Variants in COL8A1 observed in about 807,000 individuals in gnomAD.
COL8A1 encodes the protein collagen type VIII alpha 1 chain, also known as collagen alpha-1(VIII) chain.
Under a neutral mutation model 42.7 loss-of-function variants are expected in COL8A1, and 21 were observed. The observed-to-expected ratio is 0.49, with a 90% CI of 0.35 to 0.71. The LOEUF (loss-of-function observed/expected upper bound fraction) is 0.71, where lower values mean the gene tolerates loss of function less well. Ranked by LOEUF, COL8A1 falls within the 30% of genes least tolerant of loss-of-function variation. The pLI is 0.01. For synonymous variants in COL8A1, 367 were observed against 369.1 expected (o/e 0.99, Z 0.06); for missense variants, 788 against 962.4 (o/e 0.82, Z 2.40).
At chr3:99,656,736 C>A (rs1310845765) in intron 1 of COL8A1, among the ~76,000 whole-genome samples, 1 of 152,208 alleles carries the variant, frequency 6.6e-6, no homozygotes, top group Non-Finnish European at 1.5e-5. Flanking sequence ...TGACTCACGT[C>A]TTTTTCTAAT....
At chr3:99,692,227 C>T (rs1467491632) in intron 1 of COL8A1, among the ~76,000 whole-genome samples, 11 of 152,196 alleles carry the variant, frequency 7.2e-5, no homozygotes, top group Admixed American at 6.5e-4. Context: ...ACAAGATGCT[C>T]ACAAGCCCAG....
At chr3:99,731,582 T>G (rs1217288862) in intron 1 of COL8A1, among the ~76,000 whole-genome samples, 1 of 152,100 alleles carries the variant, frequency 6.6e-6, no homozygotes, top group African/African-American at 2.4e-5. Context: ...GAGAATGCCA[T>G]GATCTGATCT....
At chr3:99,691,314 T>G (rs1004110666) in intron 1 of COL8A1, 3 of 152,174 alleles carry the variant, frequency 2.0e-5, no homozygotes, top group African/African-American at 7.2e-5. Context: ...GTCATCAAAC[T>G]GATAGTCATG....
At chr3:99,780,467 T>C (rs1007462627) in intron 2 of COL8A1, among the ~76,000 whole-genome samples, 2 of 152,280 alleles carry the variant, frequency 1.3e-5, no homozygotes, top group South Asian at 2.1e-4. Context: ...ACTCCCTTCA[T>C]TTTACAGTTT....
At position 99,790,890 on chromosome 3, in the gene COL8A1, A is replaced by G; in HGVS notation, c.208A>G (p.Met70Val). Residue 70 changes from methionine (M) to valine (V), a missense_variant, in exon 3 of 4, where the codon ATG becomes GTG. By Grantham distance (21) the Met-to-Val change is conservative. Transcript: ENST00000652472. The stretch of plus-strand genomic sequence containing the variant: ...GCCTTTGGCCAAAGATGGCCTTGCC[A>G]TGGGCAAGGAGATGCCCCACTTGCA... ...HMPLAKDGLA[M>V]GKEMPHLQYG... 6.2e-7 allele frequency: 1 copy of G among 1,614,144 alleles called. No homozygotes were observed. The highest frequency in any genetic ancestry group is 1.1e-5 in the South Asian group (1 of 91,084).
intron 2 of COL8A1, among the ~76,000 whole-genome samples, chr3:99,755,501 T>A (rs1941236791): frequency 6.6e-6 from 1 of 152,122 alleles, no homozygotes; most frequent in African/African-American, 2.4e-5. Context: ...TTACATTCTG[T>A]CTAGTTGGAG....
chr3:99,779,383 T>G (rs1576473846), intron 2 of COL8A1, among the ~76,000 whole-genome samples: 1 of 152,254 alleles, frequency 6.6e-6, no homozygotes, highest in South Asian at 2.1e-4. Flanking sequence ...GACCTAAAGG[T>G]TTATATATGT....
intron 1 of COL8A1, among the ~76,000 whole-genome samples, chr3:99,672,328 G>T (rs1027520226): frequency 6.6e-6 from 1 of 151,648 alleles, no homozygotes; most frequent in African/African-American, 2.4e-5. Flanking sequence ...TCATATTTTG[G>T]TACTTCCATG....
intron 1 of COL8A1, among the ~76,000 whole-genome samples, chr3:99,662,100 C>T (rs755053774): frequency 2.6e-5 from 4 of 152,088 alleles, no homozygotes; most frequent in African/African-American, 2.4e-5. Context: ...TAATATGGGC[C>T]GAGCACGGTG....
At chr3:99,757,381 C>A (rs1193539809) in intron 2 of COL8A1, among the ~76,000 whole-genome samples, 1 of 152,142 alleles carries the variant, frequency 6.6e-6, no homozygotes, top group Non-Finnish European at 1.5e-5. Context: ...TAAGCATTAA[C>A]AGATTTTTAT....
At chr3:99,648,025 G>C (rs1937707038) in intron 1 of COL8A1, among the ~76,000 whole-genome samples, 1 of 152,164 alleles carries the variant, frequency 6.6e-6, no homozygotes, top group Non-Finnish European at 1.5e-5. Context: ...AAGGAGAAGG[G>C]AGAAATTCAA....
chr3:99,790,263 C>G (rs1483829900), intron 2 of COL8A1, among the ~76,000 whole-genome samples: 2 of 152,162 alleles, frequency 1.3e-5, no homozygotes, highest in Non-Finnish European at 2.9e-5. Flanking sequence ...GAAGACATAT[C>G]CACTCCTTTT....
intron 1 of COL8A1, among the ~76,000 whole-genome samples, chr3:99,737,594 C>A (rs1363117104): frequency 1.3e-5 from 2 of 152,144 alleles, no homozygotes; most frequent in Non-Finnish European, 2.9e-5. Context: ...GCCAAGAGAT[C>A]CGCTGTCAGT....
At chr3:99,669,142 T>TAGAG (rs1419398578) in intron 1 of COL8A1, among the ~76,000 whole-genome samples, 2 of 100,760 alleles carry the variant, frequency 2.0e-5, no homozygotes, top group African/African-American at 7.1e-5. Context: ...TATATATATA[T>TAGAG]ATATAGAGGG....
intron 2 of COL8A1, among the ~76,000 whole-genome samples, chr3:99,762,798 G>A (rs959829093): frequency 4.6e-5 from 7 of 152,172 alleles, no homozygotes; most frequent in African/African-American, 7.2e-5. Context: ...GAGCATGGTC[G>A]AGGAGTGTGG....
At chr3:99,694,424 C>T (rs551346658) in intron 1 of COL8A1, among the ~76,000 whole-genome samples, 9 of 151,604 alleles carry the variant, frequency 5.9e-5, no homozygotes, top group Admixed American at 2.0e-4. Context: ...TGCAGAGAGC[C>T]GAGATCGCAC....
intron 1 of COL8A1, among the ~76,000 whole-genome samples, chr3:99,649,249 A>C (rs1486665320): frequency 6.6e-6 from 1 of 152,138 alleles, no homozygotes; most frequent in African/African-American, 2.4e-5. Flanking sequence ...TCTCCATTCT[A>C]TAATGGCATG....
At chr3:99,785,395 G>A (rs1034515659) in intron 2 of COL8A1, among the ~76,000 whole-genome samples, 9 of 152,132 alleles carry the variant, frequency 5.9e-5, no homozygotes, top group Non-Finnish European at 1.0e-4. Context: ...ATCATGTTTA[G>A]TCTAATGGAC....
chr3:99,685,355 A>G (rs941531219), intron 1 of COL8A1: 8 of 152,336 alleles, frequency 5.3e-5, no homozygotes, highest in African/African-American at 1.4e-4. Context: ...ATCATGAAAT[A>G]ATATTATTAG....
Sources: allele counts gnomAD v4.1 joint callset (sites outside exome capture counted in the v4.1 genomes callset), GRCh38; gene constraint gnomAD v4.1.1; transcripts MANE v1.5; gene names NCBI Gene and HGNC (gene_info 2026-07-23, HGNC 2026-07-21).